The following SLC6A15 variants were observed in gnomAD, a reference collection of about 807,000 sequenced individuals.
The protein encoded by SLC6A15 is sodium-dependent neutral amino acid transporter B(0)AT2.
Under a neutral mutation model 68.5 loss-of-function variants are expected in SLC6A15, and 33 were observed. That is an observed-to-expected ratio of 0.48 (90% confidence interval 0.37 to 0.64). The LOEUF is 0.64. Ranked by LOEUF, SLC6A15 falls within the 30% of genes least tolerant of loss-of-function variation. The pLI, the probability that SLC6A15 is intolerant of heterozygous loss-of-function variation, is 0.00. For synonymous variants in SLC6A15, 347 were observed against 301.0 expected, an observed-to-expected ratio of 1.15 and a Z score of -1.58; for missense variants, 747 against 874.3, an observed-to-expected ratio of 0.85 and a Z score of 1.84.
chr12:84,869,916 A>G (rs1871216187), intron 9 of SLC6A15, among the ~76,000 whole-genome samples: 1 of 152,100 alleles, frequency 6.6e-6, no homozygotes, highest in Admixed American at 6.6e-5. Flanking sequence ...AAATGGGAGT[A>G]TGATGCATTA....
At chr12:84,907,839 A>G (rs1240775640) in intron 1 of SLC6A15, among the ~76,000 whole-genome samples, 1 of 152,244 alleles carries the variant, frequency 6.6e-6, no homozygotes, top group African/African-American at 2.4e-5. Flanking sequence ...TGGCACATCC[A>G]TACCATTAAC....
intron 6 of SLC6A15, among the ~76,000 whole-genome samples, chr12:84,873,625 A>T (rs1176503034): frequency 6.6e-6 from 1 of 152,210 alleles, no homozygotes; most frequent in Non-Finnish European, 1.5e-5. Context: ...TGAGAATATG[A>T]AGAAAAATTA....
chr12:84,869,355 G>C (rs1017027651), intron 9 of SLC6A15, among the ~76,000 whole-genome samples: 33 of 151,726 alleles, frequency 2.2e-4, no homozygotes, highest in African/African-American at 6.8e-4. Context: ...CCAGCTACTC[G>C]GGAGGCTGAG....
chr12:84,899,160 G>A (rs971082975), intron 1 of SLC6A15, among the ~76,000 whole-genome samples: 13 of 152,266 alleles, frequency 8.5e-5, no homozygotes, highest in African/African-American at 3.1e-4. Context: ...TGAGCCCAAT[G>A]TACAAGTGCT....
chr12:84,864,286 G>C (rs928273478), intron 10 of SLC6A15, among the ~76,000 whole-genome samples: 2 of 148,548 alleles, frequency 1.3e-5, no homozygotes, highest in Non-Finnish European at 1.5e-5. Context: ...TAATTGTTAT[G>C]AATTGTTATG....
chr12:84,904,100 C>T (rs183056305), intron 1 of SLC6A15, among the ~76,000 whole-genome samples: 5 of 151,822 alleles, frequency 3.3e-5, no homozygotes, highest in East Asian at 3.9e-4. Context: ...GCTATAGAAG[C>T]TTGGCAGTTT....
intron 1 of SLC6A15, among the ~76,000 whole-genome samples, chr12:84,910,968 CT>C (rs1308095728): frequency 7.0e-6 from 1 of 143,518 alleles, no homozygotes; most frequent in Non-Finnish European, 1.5e-5. Context: ...TAACCCTCGC[CT>C]TCCCTTCAAA....
rs1251985509 is a variant in SLC6A15, at chr12:84,860,511, G to C, written c.*1121C>G. ...CTATTTTTCCTTAGACTCTGAAGCG[G>C]TGGTAACTCTATTCAATTAATGTAA... On this transcript the variant is annotated 3_prime_UTR_variant, in exon 12 of 12. Transcript: ENST00000266682. 1.3e-5 allele frequency: 2 copies of C among 152,056 alleles called. No homozygotes were observed. The highest frequency in any genetic ancestry group is 4.8e-5 in the African/African-American group (2 of 41,430). 9.4% of individuals were successfully genotyped at this position (152,056 alleles called of 1,614,324 possible). A position where few individuals can be genotyped will look rare whatever the true frequency, so the allele number is the denominator to read the frequency against.
chr12:84,872,794 T>C lies in SLC6A15; in HGVS notation c.1110A>G (p.Gln370=), dbSNP rs368672256. The change falls in exon 8 of 12, where the codon CAA becomes CAG. Residue 370 remains glutamine, a splice_region_variant and synonymous_variant. Coordinates refer to ENST00000266682, the MANE Select transcript of SLC6A15 (RefSeq NM_182767.6). ...ANVINEKCIT[Q]NSETIMKFLK... ...AAAATTTCATGATCGTCTCTGAATT[T>C]CTGAAAAATAAAACAACATACAAAT... 12 of 1,598,126 alleles carry C rather than the reference T, an allele frequency of 7.5e-6. No individual in the cohort carries two copies. The African/African-American group carries it at 1.6e-4, about 22-fold the overall frequency.
rs376591011 is a variant in SLC6A15 at position 84,861,904 on chromosome 12, G to T, written c.1921C>A (p.Arg641Ser). 3.5e-5 allele frequency: 57 copies of T among 1,613,806 alleles called. No homozygotes were observed. Among genetic ancestry groups the T allele is most frequent in the Non-Finnish European group, 4.8e-5 (57 of 1,179,928 alleles). Reference protein sequence around the residue: ...LPVPVVFIVRRFNLIDDSSGN... With the variant: ...LPVPVVFIVRSFNLIDDSSGN... ...GAACTATCATCTATAAGGTTGAAGC[G>T]ACGAACAATGAAAACTACAGGGACT... Residue 641 changes from arginine to serine, a missense_variant, in exon 12 of 12, where the codon CGC becomes AGC. Arg to Ser is a moderately radical substitution (Grantham distance 110, BLOSUM62 -1). Transcript: ENST00000266682.
chr12:84,871,858 A>G (rs114269310), intron 8 of SLC6A15, among the ~76,000 whole-genome samples: 74 of 152,304 alleles, frequency 4.9e-4, no homozygotes, highest in African/African-American at 1.7e-3. Context: ...TAGCTAAGAA[A>G]AAGAACTTCA....
At chr12:84,884,251 A>G (rs1871973547) in intron 4 of SLC6A15, among the ~76,000 whole-genome samples, 1 of 152,190 alleles carries the variant, frequency 6.6e-6, no homozygotes, top group Admixed American at 6.5e-5. Flanking sequence ...GCAGTCCTGC[A>G]GTAAGAATAT....
chr12:84,892,168 G>A lies in SLC6A15; in HGVS notation c.-48C>T, dbSNP rs1872436498. 5.7e-6 allele frequency: 8 copies of A among 1,394,012 alleles called. No homozygotes were observed. Among genetic ancestry groups the A allele is most frequent in the Non-Finnish European group, 7.8e-6 (8 of 1,022,316 alleles). The allele number at this position is 1,394,012 out of a possible 1,614,324, so 86.4% of individuals were successfully genotyped here. A position where few individuals can be genotyped will look rare whatever the true frequency, so the allele number is the denominator to read the frequency against. On this transcript the variant is annotated 5_prime_UTR_variant, in exon 2 of 12. Transcript: ENST00000266682. ...AAAAAAAAAAAAAAAACTCCCTTAT[G>A]GCAAATGTGTTAACTCTATTTTTCA...
At chr12:84,871,211 G>T (rs1871271920) in intron 8 of SLC6A15, among the ~76,000 whole-genome samples, 1 of 150,486 alleles carries the variant, frequency 6.6e-6, no homozygotes, top group Non-Finnish European at 1.5e-5. Context: ...CAAAATAAAA[G>T]GATGTGAACA....
intron 1 of SLC6A15, among the ~76,000 whole-genome samples, chr12:84,898,489 TC>T (rs1230449637): frequency 9.8e-5 from 15 of 152,312 alleles, no homozygotes; most frequent in Middle Eastern, 3.4e-3. Context: ...CATGTATTGG[TC>T]CCAAATATTT....
In SLC6A15 at chr12:84,906,944, T is replaced by C. The variant is rs534998571; in HGVS notation, c.-189+5579A>G. On this transcript the variant is annotated intron_variant, in intron 1 of 11. Coordinates refer to ENST00000266682, the MANE Select transcript of SLC6A15 (RefSeq NM_182767.6). Reference sequence around the variant, plus strand: ...AAACTAGGCCCCAAAATTTGAAACTTTTGCTATGAGAAAGAATCTATTAAG... The same window carrying C: ...AAACTAGGCCCCAAAATTTGAAACTCTTGCTATGAGAAAGAATCTATTAAG... Among the ~76,000 whole-genome samples the C allele has an allele frequency of 7.2e-5, 11 of 152,024 alleles. No homozygotes were observed. In the East Asian group the frequency reaches 1.9e-3, roughly 27 times the overall value.
Position 84,863,576 on chromosome 12 carries a change from G to A in SLC6A15, c.1681C>T (p.Leu561=), listed in dbSNP as rs1481537807. Residue 561 remains leucine (L), a synonymous_variant, in exon 11 of 12, where the codon CTG becomes TTG. Transcript: ENST00000266682. ...TAATATCTGCTGGGAGCAAAGCCCA[G>A]CATATCTTTTAGGTCTTCCATAAAC... ...DKFMEDLKDM[L]GFAPSRYYYY... 4.5e-6 allele frequency: 7 copies of A among 1,564,536 alleles called. No homozygotes were observed. Among genetic ancestry groups the A allele is most frequent in the Non-Finnish European group, 6.0e-6 (7 of 1,163,598 alleles).
chr12:84,862,271 C>T (rs1451379134), intron 11 of SLC6A15, among the ~76,000 whole-genome samples: 1 of 152,072 alleles, frequency 6.6e-6, no homozygotes, highest in African/African-American at 2.4e-5. Context: ...AAGAGAGAGC[C>T]CAGCTCTCCT....
chr12:84,884,913 C>T (rs898058504), intron 4 of SLC6A15, among the ~76,000 whole-genome samples: 5 of 151,596 alleles, frequency 3.3e-5, no homozygotes, highest in Non-Finnish European at 5.9e-5. Flanking sequence ...TTTCTTTAAA[C>T]ATGTTTACTT....
Sources: gnomAD v4.1 joint callset for allele counts (sites outside exome capture counted in the v4.1 genomes callset) on GRCh38, gnomAD v4.1.1 for gene constraint, MANE v1.5 for transcripts, NCBI Gene and HGNC (gene_info 2026-07-23, HGNC 2026-07-21) for gene names.